Variants in NCKAP5 observed in about 807,000 individuals in gnomAD.
NCKAP5 encodes the protein nck-associated protein 5.
NCKAP5 carries 92 observed loss-of-function variants against 167.0 expected under a neutral mutation model. The observed-to-expected ratio is 0.55, with a 90% CI of 0.47 to 0.66. The LOEUF is 0.66. NCKAP5 is among the 30% of genes least tolerant of loss of function. The pLI is 0.00. For synonymous variants in NCKAP5, 891 were observed against 877.4 expected (o/e 1.02, Z -0.27); for missense variants, 2,378 against 2,315.0 (o/e 1.03, Z -0.56).
At chr2:133,393,032 A>G (rs1050522026) in intron 3 of NCKAP5, among the ~76,000 whole-genome samples, 1 of 152,218 alleles carries the variant, frequency 6.6e-6, no homozygotes, top group Non-Finnish European at 1.5e-5. Flanking sequence ...CAACCCATCA[A>G]ATAAGACTGG....
intron 3 of NCKAP5, among the ~76,000 whole-genome samples, chr2:133,499,124 T>C (rs954811091): frequency 6.6e-6 from 1 of 152,210 alleles, no homozygotes; most frequent in African/African-American, 2.4e-5. Flanking sequence ...GGCTGCCAGA[T>C]ATAAATGGCT....
intron 6 of NCKAP5, among the ~76,000 whole-genome samples, chr2:133,062,227 G>A (rs186030102): frequency 3.3e-5 from 5 of 152,198 alleles, no homozygotes; most frequent in East Asian, 3.9e-4. Context: ...AAATATTTAC[G>A]CTTGGAATTT....
chr2:133,276,914 A>G (rs1471808093), intron 4 of NCKAP5, among the ~76,000 whole-genome samples: 1 of 152,168 alleles, frequency 6.6e-6, no homozygotes, highest in Non-Finnish European at 1.5e-5. Context: ...CACCCTGTTA[A>G]TAAATCTAAA....
chr2:132,733,204 A>G (rs982468644), intron 16 of NCKAP5, among the ~76,000 whole-genome samples: 10 of 152,170 alleles, frequency 6.6e-5, no homozygotes, highest in Non-Finnish European at 1.3e-4. Flanking sequence ...CAAGATCTGG[A>G]TGTCACCCAG....
intron 4 of NCKAP5, among the ~76,000 whole-genome samples, chr2:133,252,696 C>T (rs771284570): frequency 6.6e-6 from 1 of 152,088 alleles, no homozygotes; most frequent in Admixed American, 6.6e-5. Flanking sequence ...GTTTTTTAGG[C>T]CAAAGTCAGG....
chr2:133,092,938 T>TAC (rs1277807121), intron 6 of NCKAP5, among the ~76,000 whole-genome samples: 4 of 152,362 alleles, frequency 2.6e-5, no homozygotes. Context: ...GCAGCAGTAC[T>TAC]ACACAGAACA....
intron 3 of NCKAP5, among the ~76,000 whole-genome samples, chr2:133,480,610 CT>C (rs1680337642): frequency 6.6e-6 from 1 of 152,176 alleles, no homozygotes; most frequent in Non-Finnish European, 1.5e-5. Context: ...TCTTCAATCC[CT>C]TGGGTAGACA....
At chr2:133,478,500 C>T (rs371015558) in intron 3 of NCKAP5, among the ~76,000 whole-genome samples, 1 of 152,090 alleles carries the variant, frequency 6.6e-6, no homozygotes, top group African/African-American at 2.4e-5. Flanking sequence ...TACATGGGGA[C>T]AATCATGTCT....
chr2:132,794,395 G>A (rs550585824), intron 12 of NCKAP5, among the ~76,000 whole-genome samples: 1 of 150,212 alleles, frequency 6.7e-6, no homozygotes, highest in East Asian at 2.0e-4. Context: ...CACTTTGGGA[G>A]GCCAAGGTGG....
At position 133,151,804 on chromosome 2, in the gene NCKAP5, C is replaced by CA. The variant is rs1282059147; in HGVS notation, c.208-21694dup. On this transcript the variant is annotated intron_variant, in intron 5 of 19. Transcript: ENST00000409261. Reference sequence around the variant, plus strand: ...AATATATTCTAAACTTACATCCACACAAAAAAAATGCACATGGCTGGGAGC... The same window carrying CA: ...AATATATTCTAAACTTACATCCACACAAAAAAAAATGCACATGGCTGGGAGC... 1.3e-4 allele frequency among the ~76,000 whole-genome samples: 20 copies of CA among 152,016 alleles called. No homozygotes were observed. The East Asian group carries it at 1.4e-3, about 10-fold the overall frequency.
At chr2:133,360,452 C>T (rs1685023470) in intron 3 of NCKAP5, among the ~76,000 whole-genome samples, 1 of 152,050 alleles carries the variant, frequency 6.6e-6, no homozygotes, top group Non-Finnish European at 1.5e-5. Context: ...AGAAATCTAA[C>T]AGGAACAGAG....
chr2:132,999,975 A>G (rs1016495936), intron 6 of NCKAP5, among the ~76,000 whole-genome samples: 1 of 152,230 alleles, frequency 6.6e-6, no homozygotes, highest in South Asian at 2.1e-4. Flanking sequence ...GGCTGAACCA[A>G]ATTAAATTTT....
chr2:133,609,247 G>T, the NCKAP5 span, among the ~76,000 whole-genome samples: 1 of 152,042 alleles, frequency 6.6e-6, no homozygotes, highest in Admixed American at 6.6e-5. Flanking sequence ...CTGACTGGAA[G>T]CTTTTTGAGA....
intron 3 of NCKAP5, 63 bp downstream of exon 3, chr2:133,517,395 G>T: frequency 1.2e-6 from 1 of 844,732 alleles, no homozygotes; most frequent in Non-Finnish European, 1.7e-6. Flanking sequence ...GGAAATAACA[G>T]TCAAAGAATA....
intron 8 of NCKAP5, among the ~76,000 whole-genome samples, chr2:132,910,704 A>C (rs1439501852): frequency 6.6e-6 from 1 of 152,204 alleles, no homozygotes; most frequent in Non-Finnish European, 1.5e-5. Context: ...AATCTTAGCT[A>C]TTGACTACTA....
intron 10 of NCKAP5, among the ~76,000 whole-genome samples, chr2:132,866,138 C>T (rs1690332920): frequency 6.6e-6 from 1 of 152,174 alleles, no homozygotes; most frequent in Non-Finnish European, 1.5e-5. Flanking sequence ...TGTGTTTCCT[C>T]CAAAGAACAT....
At chr2:133,498,933 G>A (rs1682225812) in intron 3 of NCKAP5, among the ~76,000 whole-genome samples, 1 of 152,164 alleles carries the variant, frequency 6.6e-6, no homozygotes, top group Non-Finnish European at 1.5e-5. Context: ...CAAGAATAAT[G>A]CACTCCTTTC....
chr2:132,844,902 T>A (rs1480052823), intron 11 of NCKAP5, among the ~76,000 whole-genome samples: 2 of 152,212 alleles, frequency 1.3e-5, no homozygotes, highest in African/African-American at 4.8e-5. Context: ...GTTTACATTT[T>A]CAACATTTGT....
intron 3 of NCKAP5, among the ~76,000 whole-genome samples, chr2:133,477,798 G>A (rs1680063461): frequency 6.6e-6 from 1 of 152,160 alleles, no homozygotes. Flanking sequence ...GGCATATTCA[G>A]TGTGGACCTG....
Sources: allele counts gnomAD v4.1 joint callset (sites outside exome capture counted in the v4.1 genomes callset), GRCh38; gene constraint gnomAD v4.1.1; transcripts MANE v1.5; gene names NCBI Gene and HGNC (gene_info 2026-07-23, HGNC 2026-07-21).